Variants in ZNF700 observed in about 807,000 individuals in gnomAD.
ZNF700 encodes the protein zinc finger protein 700.
A neutral mutation model predicts 65.3 loss-of-function variants in ZNF700; 38 were observed. The ratio of observed to expected loss-of-function variants is 0.58; its 90% confidence interval spans 0.45 to 0.76. ZNF700 has a LOEUF of 0.76. ZNF700 is among the 30% of genes least tolerant of loss of function. The pLI is 0.00. For synonymous variants in ZNF700, 285 were observed against 290.4 expected (o/e 0.98, Z 0.19); for missense variants, 857 against 888.4 (o/e 0.96, Z 0.45).
chr19:11,939,319 G>T (rs1972844217), intron 1 of ZNF700, among the ~76,000 whole-genome samples: 1 of 152,132 alleles, frequency 6.6e-6, no homozygotes, highest in South Asian at 2.1e-4. Context: ...TGTCTGAATG[G>T]TATTGCCTAG....
rs755928012 is a variant in ZNF700 at position 11,949,409 on chromosome 19, G to C, written c.1385G>C (p.Arg462Pro). ...GKAFRSTSHL[R>P]VHGRTHTGEK... ...GCCTTCAGATCTACCTCACACCTTC[G>C]AGTGCATGGTAGGACTCATACTGGA... The change falls in exon 4 of 4, where the codon CGA (arginine) becomes CCA (proline). Residue 462 changes from arginine to proline, a missense_variant. Physicochemically the swap from Arg to Pro is moderately radical, Grantham distance 103. Transcript: ENST00000254321. The C allele has an allele frequency of 6.2e-7, 1 of 1,612,812 alleles. No homozygotes were observed. Among genetic ancestry groups the C allele is most frequent in the Non-Finnish European group, 8.5e-7 (1 of 1,179,654 alleles).
At position 11,948,470 on chromosome 19, in the gene ZNF700, C is replaced by A; in HGVS notation, c.446C>A (p.Thr149Asn). The A allele has an allele frequency of 6.2e-7, 1 of 1,614,098 alleles. No individual in the cohort carries two copies. Among genetic ancestry groups the A allele is most frequent in the Non-Finnish European group, 8.5e-7 (1 of 1,180,000 alleles). Reference sequence around the variant, plus strand: ...TTTAATATGAGCATCAGAGGTGACACTGGACACAAGGCATATGAGTATCAG... The same window carrying A: ...TTTAATATGAGCATCAGAGGTGACAATGGACACAAGGCATATGAGTATCAG... ...SSFNMSIRGD[T>N]GHKAYEYQEY... Residue 149 changes from threonine (T) to asparagine (N), a missense_variant, in exon 4 of 4, where the codon ACT becomes AAT. Thr to Asn is a moderately conservative substitution (Grantham distance 65). Coordinates refer to ENST00000254321, the MANE Select transcript of ZNF700 (RefSeq NM_144566.3).
At chr19:11,944,171 A>C (rs1470081090) in intron 1 of ZNF700, among the ~76,000 whole-genome samples, 5 of 152,020 alleles carry the variant, frequency 3.3e-5, no homozygotes, top group Non-Finnish European at 7.4e-5. Flanking sequence ...TTGTTCGTGT[A>C]ATTTTTCGTA....
In ZNF700 at chr19:11,932,537, G is replaced by A. The variant is rs192717074; in HGVS notation, c.63+7264G>A. Among the ~76,000 whole-genome samples, 53 of 147,740 alleles carry A rather than the reference G, an allele frequency of 3.6e-4. 8 individuals are homozygous for A. The highest frequency in any genetic ancestry group is 1.2e-3 in the African/African-American group (47 of 37,640). ...TATTGATGGAGTCAGTACTGTGAACGATAACTGCCTTACTTTTCTTTATAC... is the reference window on the plus strand; with the variant it reads ...TATTGATGGAGTCAGTACTGTGAACAATAACTGCCTTACTTTTCTTTATAC... On this transcript the variant is annotated intron_variant, in intron 1 of 3. Coordinates refer to ENST00000254321, the MANE Select transcript of ZNF700 (RefSeq NM_144566.3).
intron 1 of ZNF700, among the ~76,000 whole-genome samples, chr19:11,937,232 T>C (rs977387460): frequency 6.6e-6 from 1 of 152,206 alleles, no homozygotes; most frequent in Non-Finnish European, 1.5e-5. Context: ...AAGTAAATGA[T>C]TCATTAGGAG....
intron 1 of ZNF700, chr19:11,940,123 G>A (rs1972857843): frequency 6.6e-6 from 1 of 152,104 alleles, no homozygotes; most frequent in African/African-American, 2.4e-5. Context: ...TAGAGACAAG[G>A]TTTCTCCATG....
Position 11,950,130 on chromosome 19 carries a change from A to G in ZNF700, c.2106A>G (p.Lys702=), listed in dbSNP as rs1240230126. Reference sequence around the variant, plus strand: ...ATGCAAGAACACACATTGGAGAGAAACACTATGAATGTAAGGAATGCGGAA... The same window carrying G: ...ATGCAAGAACACACATTGGAGAGAAGCACTATGAATGTAAGGAATGCGGAA... ...QIHARTHIGE[K]HYECKECGKA... is the part of the protein sequence containing the mutation. Residue 702 remains lysine (K), a synonymous_variant, in exon 4 of 4, where the codon AAA becomes AAG. Coordinates refer to ENST00000254321, the MANE Select transcript of ZNF700 (RefSeq NM_144566.3). 1.2e-6 allele frequency: 2 copies of G among 1,614,146 alleles called. No homozygotes were observed. The highest frequency in any genetic ancestry group is 1.6e-4 in the Middle Eastern group (1 of 6,062).
At chr19:11,937,268 G>C (rs1369847740) in intron 1 of ZNF700, among the ~76,000 whole-genome samples, 1 of 152,074 alleles carries the variant, frequency 6.6e-6, no homozygotes, top group Non-Finnish European at 1.5e-5. Flanking sequence ...GTGAAGTTCT[G>C]TATCTAATTC....
intron 1 of ZNF700, among the ~76,000 whole-genome samples, chr19:11,937,193 A>T (rs1243957552): frequency 6.6e-6 from 1 of 152,206 alleles, no homozygotes; most frequent in Non-Finnish European, 1.5e-5. Flanking sequence ...GTTACGTTCT[A>T]GAAGTTGTGA....
At position 11,948,941 on chromosome 19, in the gene ZNF700, A is replaced by G. The variant is rs1246521580; in HGVS notation, c.917A>G (p.Tyr306Cys). Residue 306 changes from tyrosine to cysteine, a missense_variant, in exon 4 of 4, where the codon TAT becomes TGT. Physicochemically the swap from Tyr to Cys is radical, Grantham distance 194. Around this residue, in one of 3 missense-constraint regions of ZNF700, gnomAD observed 603 missense variants for 619.9 expected, o/e 0.97. Transcript: ENST00000254321. ...AGAAGTCACATGGGAGAGAAGCCTT[A>G]TCAATGCAAAGAATGTGGAAAAGCA... ...HERSHMGEKP[Y>C]QCKECGKAFA... 1.9e-6 allele frequency: 3 copies of G among 1,608,284 alleles called. No homozygotes were observed. The highest frequency in any genetic ancestry group is 1.3e-5 in the African/African-American group (1 of 74,448).
Position 11,949,385 on chromosome 19 carries a change from C to T in ZNF700, c.1361C>T (p.Ala454Val). Residue 454 changes from alanine to valine, a missense_variant, in exon 4 of 4, where the codon GCC becomes GTC. This residue lies in a region of ZNF700 where 603 missense variants were observed against 619.9 expected (regional missense o/e 0.97). Transcript: ENST00000254321. Reference sequence around the variant, plus strand: ...TATGAATGTAAGGAATGTGGGAAAGCCTTCAGATCTACCTCACACCTTCGA... The same window carrying T: ...TATGAATGTAAGGAATGTGGGAAAGTCTTCAGATCTACCTCACACCTTCGA... ...KPYECKECGK[A>V]FRSTSHLRVH... The T allele has an allele frequency of 6.2e-7, 1 of 1,613,780 alleles. No individual in the cohort carries two copies. The highest frequency in any genetic ancestry group is 8.5e-7 in the Non-Finnish European group (1 of 1,179,926).
rs574674142 is a variant in ZNF700, at chr19:11,949,494, A to G, written c.1470A>G (p.Gln490=). ...CCTTCAGATATGTGAAGCACCTTCA[A>G]ATTCATGAAAGGACAGAAAAACACA... The part of the protein sequence containing the change: ...GKAFRYVKHL[Q]IHERTEKHIR... Residue 490 remains glutamine, a synonymous_variant, in exon 4 of 4, where the codon CAA becomes CAG. Coordinates refer to ENST00000254321, the MANE Select transcript of ZNF700 (RefSeq NM_144566.3). The G allele has an allele frequency of 2.2e-5, 36 of 1,612,216 alleles. No homozygotes were observed. Among genetic ancestry groups the G allele is most frequent in the Admixed American group, 3.4e-5 (2 of 59,540 alleles).
chr19:11,934,059 T>G (rs1472921940), intron 1 of ZNF700, among the ~76,000 whole-genome samples: 1 of 147,732 alleles, frequency 6.8e-6, no homozygotes, highest in Non-Finnish European at 1.5e-5. Context: ...AAGGCTCATC[T>G]TGAGCCTGGT....
rs1599273941 is a variant in ZNF700 at position 11,925,107 on chromosome 19, C to T, written c.-104C>T. ...ATCCGGAAATGGAGGGGGTCGCTTT[C>T]CTCACCTTCCTCGCTGCGCGGGCGG... On this transcript the variant is annotated 5_prime_UTR_variant, in exon 1 of 4. Coordinates refer to ENST00000254321, the MANE Select transcript of ZNF700 (RefSeq NM_144566.3). 6 of 1,391,898 alleles carry T rather than the reference C, an allele frequency of 4.3e-6. No homozygotes were observed. The highest frequency in any genetic ancestry group is 2.9e-5 in the African/African-American group (2 of 69,274). 86.2% of individuals were successfully genotyped at this position (1,391,898 alleles called of 1,614,324 possible). A position where few individuals can be genotyped will look rare whatever the true frequency, so the allele number is the denominator to read the frequency against.
rs774176258 is a variant in ZNF700, at chr19:11,948,947, G to C, written c.923G>C (p.Cys308Ser). The part of the protein sequence containing the change: ...RSHMGEKPYQ[C>S]KECGKAFAYT... ...CACATGGGAGAGAAGCCTTATCAAT[G>C]CAAAGAATGTGGAAAAGCATTTGCA... Residue 308 changes from cysteine to serine, a missense_variant, in exon 4 of 4, where the codon TGC becomes TCC. Cys to Ser is a moderately radical substitution (Grantham distance 112). This residue lies in a region of ZNF700 where 603 missense variants were observed against 619.9 expected (regional missense o/e 0.97). Coordinates refer to ENST00000254321, the MANE Select transcript of ZNF700 (RefSeq NM_144566.3). 2.0e-5 allele frequency: 32 copies of C among 1,608,302 alleles called. No individual in the cohort carries two copies. Among genetic ancestry groups the C allele is most frequent in the Non-Finnish European group, 2.6e-5 (31 of 1,178,834 alleles).
chr19:11,925,248 C>T lies in ZNF700; in HGVS notation c.38C>T (p.Pro13Leu), dbSNP rs891779210. ...CCSHRSCRED[P>L]GTSESREMDP... ...AGTCACAGGAGCTGTAGAGAGGACC[C>T]CGGTACATCTGAAAGCCGGGAAATG... The change falls in exon 1 of 4, where the codon CCC (proline) becomes CTC (leucine). Residue 13 changes from proline (P) to leucine (L), a missense_variant. Physicochemically the swap from Pro to Leu is moderately conservative, Grantham distance 98. Transcript: ENST00000254321. The T allele has an allele frequency of 6.2e-7, 1 of 1,612,972 alleles. No individual in the cohort carries two copies. The highest frequency in any genetic ancestry group is 1.3e-5 in the African/African-American group (1 of 74,886).
chr19:11,938,530 C>A (rs1228955962), intron 1 of ZNF700, among the ~76,000 whole-genome samples: 1 of 152,082 alleles, frequency 6.6e-6, no homozygotes, highest in Non-Finnish European at 1.5e-5. Flanking sequence ...TAATGGTTTC[C>A]AGCTTCATCC....
At chr19:11,934,622 G>A (rs916584081) in intron 1 of ZNF700, among the ~76,000 whole-genome samples, 13 of 147,496 alleles carry the variant, frequency 8.8e-5, no homozygotes, top group Non-Finnish European at 1.8e-4. Flanking sequence ...TGCCTCCCAG[G>A]TTCAAACGAT....
Position 11,930,999 on chromosome 19 carries a change from C to CAA in ZNF700, c.63+5739_63+5740dup, listed in dbSNP as rs754558706. Reference sequence around the variant, plus strand: ...GGGCAACAAGAACAAAATTCCGTCTCAAAAAAAAAAAAAACAACATAGATG... The same window carrying CAA: ...GGGCAACAAGAACAAAATTCCGTCTCAAAAAAAAAAAAAAAACAACATAGATG... On this transcript the variant is annotated intron_variant, in intron 1 of 3. Coordinates refer to ENST00000254321, the MANE Select transcript of ZNF700 (RefSeq NM_144566.3). Among the ~76,000 whole-genome samples, 44 of 110,136 alleles carry CAA rather than the reference C, an allele frequency of 4.0e-4. 4 individuals carry two copies. Among genetic ancestry groups the CAA allele is most frequent in the African/African-American group, 1.5e-3 (40 of 27,318 alleles). The allele number at this position is 110,136 out of a possible 152,430, so 72.3% of individuals were successfully genotyped here.
Sources: allele counts gnomAD v4.1 joint callset (sites outside exome capture counted in the v4.1 genomes callset), GRCh38; gene constraint gnomAD v4.1.1; regional missense constraint gnomAD v4.1.1; transcripts MANE v1.5; gene names NCBI Gene and HGNC (gene_info 2026-07-23, HGNC 2026-07-21).